Variants in CCDC3 observed in about 807,000 individuals in gnomAD.
CCDC3 encodes the protein coiled-coil domain containing 3.
In CCDC3, 24 loss-of-function variants were observed where a neutral mutation model predicts 21.4. That is an observed-to-expected ratio of 1.12 (90% confidence interval 0.81 to 1.58). The LOEUF is 1.58. Among genes scored for constraint, CCDC3 ranks in the 40% most tolerant of loss-of-function variants. CCDC3 has a pLI of 0.00. For missense variants in CCDC3, 425 were observed against 360.9 expected (o/e 1.18, Z -1.44); for synonymous variants, 186 against 166.0 (o/e 1.12, Z -0.93).
intron 1 of CCDC3, among the ~76,000 whole-genome samples, chr10:12,999,913 T>G (rs1467121966): frequency 1.3e-5 from 2 of 152,214 alleles, no homozygotes; most frequent in African/African-American, 2.4e-5. Flanking sequence ...ATTTAGAAAC[T>G]ACACTTCTCT....
intron 2 of CCDC3, among the ~76,000 whole-genome samples, chr10:12,982,499 T>TA (rs1026430730): frequency 8.1e-4 from 119 of 147,684 alleles, no homozygotes; most frequent in Middle Eastern, 3.5e-3. Context: ...TTACCATAAT[T>TA]AAAAAAAAAA....
At chr10:13,017,729 G>A (rs929498141) in intron 5 of CCDC3, among the ~76,000 whole-genome samples, 4 of 151,960 alleles carry the variant, frequency 2.6e-5, no homozygotes, top group Admixed American at 1.3e-4. Flanking sequence ...ACTACCATGT[G>A]TTGGGCACTA....
intron 2 of CCDC3, among the ~76,000 whole-genome samples, chr10:12,993,836 G>A (rs1835715207): frequency 6.6e-6 from 1 of 152,200 alleles, no homozygotes; most frequent in Non-Finnish European, 1.5e-5. Flanking sequence ...TTTGAAGATG[G>A]AGAGGTGCTG....
intron 2 of CCDC3, among the ~76,000 whole-genome samples, chr10:12,933,923 G>A (rs1182660085): frequency 2.0e-5 from 3 of 151,150 alleles, no homozygotes; most frequent in African/African-American, 7.3e-5. Context: ...ATTATTTTCT[G>A]TTTTCACTTT....
At chr10:12,964,474 T>C (rs1391391993) in intron 2 of CCDC3, among the ~76,000 whole-genome samples, 1 of 152,236 alleles carries the variant, frequency 6.6e-6, no homozygotes, top group Non-Finnish European at 1.5e-5. Flanking sequence ...CTGTAGTTTA[T>C]GCCTGGAAGT....
chr10:12,999,097 G>A (rs952286223), intron 1 of CCDC3, among the ~76,000 whole-genome samples: 4 of 152,066 alleles, frequency 2.6e-5, no homozygotes, highest in East Asian at 1.9e-4. Context: ...AAAATTAGCT[G>A]GGCACGGTGG....
In CCDC3 at chr10:12,989,364, C is replaced by G. The variant is rs1835646624; in HGVS notation, c.549+8974G>C. On this transcript the variant is annotated intron_variant, in intron 2 of 2. Coordinates refer to ENST00000378825, the MANE Select transcript of CCDC3 (RefSeq NM_031455.4). ...AGTCCAGAGCAGCAGTTCCCCAAGT[C>G]TGCAGAATCCTAGGGGGCCCCAGGA... Among the ~76,000 whole-genome samples the G allele has an allele frequency of 3.3e-5, 5 of 152,206 alleles. No homozygotes were observed. The South Asian group carries it at 1.0e-3, about 32-fold the overall frequency.
rs1000258292 is a variant in CCDC3 at position 13,038,259 on chromosome 10, C to T, written c.-2+11415G>A. On this transcript the variant is annotated intron_variant, in intron 5 of 6. Coordinates refer to the CCDC3 transcript ENST00000378839. Reference sequence around the variant, plus strand: ...ATCAGGAAGAGTAGTTAATGGATTCCGGGCTTAATACCTAGATGATGGGAT... The same window carrying T: ...ATCAGGAAGAGTAGTTAATGGATTCTGGGCTTAATACCTAGATGATGGGAT... Among the ~76,000 whole-genome samples the T allele has an allele frequency of 2.8e-4, 42 of 151,290 alleles. 1 individual carries two copies. Among genetic ancestry groups the T allele is most frequent in the Admixed American group, 1.6e-3 (24 of 15,144 alleles).
chr10:12,916,087 T>G lies in CCDC3; in HGVS notation c.550-17408A>C, dbSNP rs768437508. 1.1e-4 allele frequency among the ~76,000 whole-genome samples: 17 copies of G among 151,994 alleles called. 1 individual carries two copies. Among genetic ancestry groups the G allele is most frequent in the Non-Finnish European group, 2.2e-4 (15 of 67,986 alleles). On this transcript the variant is annotated intron_variant, in intron 2 of 2. Transcript: ENST00000378825. ...CCTAAACCCCTGGTCTGCTGGAGAA[T>G]AGCAATGCAGGGGCTGCCCTGGCAC...
chr10:13,021,082 T>G (rs1259392140), intron 5 of CCDC3, among the ~76,000 whole-genome samples: 2 of 152,216 alleles, frequency 1.3e-5, no homozygotes. Context: ...TTATTTTGTG[T>G]GTTCAAACTC....
rs1835141324 is a variant in CCDC3 at position 12,959,180 on chromosome 10, T to TTC, written c.549+39157_549+39158insGA. 2.6e-5 allele frequency among the ~76,000 whole-genome samples: 4 copies of TTC among 151,532 alleles called. No individual in the cohort carries two copies. In the South Asian group the frequency reaches 8.4e-4, roughly 32 times the overall value. On this transcript the variant is annotated intron_variant, in intron 2 of 2. Transcript: ENST00000378825. ...TCATTTCACAAGCTACAATCTTTTT[T>TTC]TTTTTGAGATGGCACCTCGCTCTGT...
chr10:12,915,239 T>G (rs1834333378), intron 2 of CCDC3, among the ~76,000 whole-genome samples: 2 of 152,206 alleles, frequency 1.3e-5, no homozygotes, highest in South Asian at 4.1e-4. Flanking sequence ...GATTTCAGAA[T>G]TTTTAAATTT....
intron 5 of CCDC3, among the ~76,000 whole-genome samples, chr10:13,036,146 A>C (rs915051956): frequency 6.6e-6 from 1 of 151,360 alleles, no homozygotes; most frequent in African/African-American, 2.4e-5. Flanking sequence ...CTGTCTCAAA[A>C]AACAAACAAA....
chr10:12,965,073 G>T (rs532645034), intron 2 of CCDC3, among the ~76,000 whole-genome samples: 17 of 152,134 alleles, frequency 1.1e-4, no homozygotes, highest in South Asian at 4.1e-4. Flanking sequence ...CAGGAGAGGA[G>T]AATGGAGGTG....
intron 2 of CCDC3, among the ~76,000 whole-genome samples, chr10:12,978,442 A>G (rs576751675): frequency 6.6e-6 from 1 of 152,330 alleles, no homozygotes; most frequent in Non-Finnish European, 1.5e-5. Context: ...AACTCGAATT[A>G]TCCGATGGAA....
chr10:12,952,087 G>A (rs372956061), intron 2 of CCDC3, among the ~76,000 whole-genome samples: 113 of 152,254 alleles, frequency 7.4e-4, no homozygotes, highest in Middle Eastern at 3.4e-3. Flanking sequence ...ACTTCTAGCC[G>A]CCTAGAGAAC....
intron 2 of CCDC3, among the ~76,000 whole-genome samples, chr10:12,997,207 G>A (rs2131284718): frequency 6.6e-6 from 1 of 151,378 alleles, no homozygotes; most frequent in East Asian, 2.0e-4. Context: ...GGAAAGAAGG[G>A]AGTCTCTTAA....
chr10:13,046,676 C>G (rs1284722789), intron 5 of CCDC3, among the ~76,000 whole-genome samples: 1 of 149,220 alleles, frequency 6.7e-6, no homozygotes, highest in Non-Finnish European at 1.5e-5. Flanking sequence ...CATTGCACTC[C>G]CGCCTGGGCA....
chr10:12,948,978 G>T (rs144534456), intron 2 of CCDC3, among the ~76,000 whole-genome samples: 2 of 151,882 alleles, frequency 1.3e-5, no homozygotes, highest in Non-Finnish European at 2.9e-5. Flanking sequence ...TGATCCACCC[G>T]CCTCGGCCTC....
Sources: gnomAD v4.1 joint callset for allele counts (sites outside exome capture counted in the v4.1 genomes callset) on GRCh38, gnomAD v4.1.1 for gene constraint, MANE v1.5 for transcripts, NCBI Gene and HGNC (gene_info 2026-07-23, HGNC 2026-07-21) for gene names.